ADIPOR2: variants seen among roughly 807,000 people sequenced by gnomAD.
The protein encoded by ADIPOR2 is adiponectin receptor 2, also known as adiponectin receptor protein 2.
Under a neutral mutation model 40.9 loss-of-function variants are expected in ADIPOR2, and 18 were observed. The ratio of observed to expected loss-of-function variants is 0.44; its 90% confidence interval spans 0.30 to 0.65. The LOEUF (loss-of-function observed/expected upper bound fraction) is 0.65. Among genes scored for constraint, ADIPOR2 ranks in the 30% least tolerant of loss-of-function variants. The probability of loss-of-function intolerance (pLI) is 0.09; values close to 1 mark genes in which losing one functional copy is unlikely to be tolerated. For synonymous variants in ADIPOR2, 165 were observed against 166.4 expected (o/e 0.99, Z 0.06); for missense variants, 283 against 479.2 (o/e 0.59, Z 3.82).
At chr12:1,750,705 A>G (rs2094767295) in intron 1 of ADIPOR2, among the ~76,000 whole-genome samples, 2 of 151,994 alleles carry the variant, frequency 1.3e-5, no homozygotes, top group African/African-American at 2.4e-5. Context: ...TCTTTTTTCT[A>G]TTGTGATGTA....
chr12:1,715,215 A>G (rs2094685139), intron 1 of ADIPOR2, among the ~76,000 whole-genome samples: 1 of 152,114 alleles, frequency 6.6e-6, no homozygotes, highest in African/African-American at 2.4e-5. Flanking sequence ...GTGAAAAGAA[A>G]GCTTGGACAT....
intron 2 of ADIPOR2, among the ~76,000 whole-genome samples, chr12:1,769,998 A>G (rs1294871639): frequency 6.6e-6 from 1 of 151,694 alleles, no homozygotes; most frequent in Non-Finnish European, 1.5e-5. Flanking sequence ...GCTCATTGCA[A>G]CCTCGACCTC....
intron 2 of ADIPOR2, among the ~76,000 whole-genome samples, chr12:1,758,296 T>C (rs538620096): frequency 3.3e-5 from 5 of 152,348 alleles, no homozygotes; most frequent in Admixed American, 1.3e-4. Context: ...CTTGAGCTAA[T>C]GCAAAAGTTA....
At chr12:1,743,316 A>C (rs1474454322) in intron 1 of ADIPOR2, among the ~76,000 whole-genome samples, 2 of 151,354 alleles carry the variant, frequency 1.3e-5, no homozygotes, top group Non-Finnish European at 2.9e-5. Context: ...TGTCTAAAAA[A>C]AAAAAAAAAA....
intron 1 of ADIPOR2, among the ~76,000 whole-genome samples, chr12:1,743,088 A>G (rs1358379404): frequency 6.6e-6 from 1 of 152,004 alleles, no homozygotes; most frequent in African/African-American, 2.4e-5. Flanking sequence ...TTCCTTGTGT[A>G]AGAAATTTTA....
At chr12:1,722,386 T>G (rs553466135) in intron 1 of ADIPOR2, among the ~76,000 whole-genome samples, 1 of 152,296 alleles carries the variant, frequency 6.6e-6, no homozygotes, top group Non-Finnish European at 1.5e-5. Context: ...ATTAGACATC[T>G]ATGTAGAGAT....
At chr12:1,776,404 ATCTTGCTGATTTGCAGCCTGGAT>A (rs1361346124) in intron 3 of ADIPOR2, among the ~76,000 whole-genome samples, 10 of 152,154 alleles carry the variant, frequency 6.6e-5, no homozygotes, top group Non-Finnish European at 1.2e-4. Context: ...CTGAAGGTGA[ATCTTGCTGATTTGCAGCCTGGAT>A]TCTTGCTTTA....
chr12:1,726,103 T>C (rs2094707422), intron 1 of ADIPOR2, among the ~76,000 whole-genome samples: 1 of 152,230 alleles, frequency 6.6e-6, no homozygotes, highest in South Asian at 2.1e-4. Context: ...AAAATTGCTT[T>C]TGAGGTATCA....
intron 1 of ADIPOR2, among the ~76,000 whole-genome samples, chr12:1,723,407 A>G (rs1443978390): frequency 6.7e-6 from 1 of 148,264 alleles, no homozygotes; most frequent in African/African-American, 2.5e-5. Context: ...AGGCAGGTGG[A>G]TCACCTGAGG....
At chr12:1,695,612 G>A (rs1024613781) in intron 1 of ADIPOR2, among the ~76,000 whole-genome samples, 5 of 147,870 alleles carry the variant, frequency 3.4e-5, no homozygotes, top group Non-Finnish European at 7.4e-5. Context: ...GCAGTGAACC[G>A]AGATTGCACC....
At chr12:1,761,739 A>T (rs970584218) in intron 2 of ADIPOR2, among the ~76,000 whole-genome samples, 4 of 152,208 alleles carry the variant, frequency 2.6e-5, no homozygotes, top group African/African-American at 4.8e-5. Context: ...TGGTCTCCTC[A>T]TCATCTGTTC....
intron 1 of ADIPOR2, among the ~76,000 whole-genome samples, chr12:1,719,468 G>A (rs867107610): frequency 7.9e-5 from 12 of 152,288 alleles, no homozygotes; most frequent in Admixed American, 6.5e-5. Flanking sequence ...CTGCCATTTA[G>A]TAACTATATG....
chr12:1,754,699 T>TTACTACTACTACTACTAC (rs59598626), intron 2 of ADIPOR2, among the ~76,000 whole-genome samples, 185 bp downstream of exon 2: 4 of 103,542 alleles, frequency 3.9e-5, no homozygotes, highest in Non-Finnish European at 6.3e-5. Flanking sequence ...ATTATTATTA[T>TTACTACTACTACTACTAC]TACTACTACT....
intron 1 of ADIPOR2, among the ~76,000 whole-genome samples, chr12:1,745,797 C>G (rs1396053979): frequency 1.3e-5 from 2 of 152,114 alleles, no homozygotes. Flanking sequence ...AAACCAATGT[C>G]TTATCCTTCT....
chr12:1,698,056 A>G (rs1309250932), intron 1 of ADIPOR2: 2 of 152,164 alleles, frequency 1.3e-5, no homozygotes, highest in African/African-American at 4.8e-5. Flanking sequence ...TTGGCTGTAG[A>G]CTGGATCCAC....
intron 1 of ADIPOR2, among the ~76,000 whole-genome samples, chr12:1,738,629 G>C (rs1254829256): frequency 6.6e-6 from 1 of 152,080 alleles, no homozygotes; most frequent in Admixed American, 6.6e-5. Flanking sequence ...ATCTTGAATT[G>C]CTAGTGGTTT....
intron 1 of ADIPOR2, among the ~76,000 whole-genome samples, chr12:1,743,820 C>T (rs2094748945): frequency 6.6e-6 from 1 of 152,082 alleles, no homozygotes; most frequent in African/African-American, 2.4e-5. Context: ...GATGAATAGG[C>T]TTTTCTATGT....
At chr12:1,736,960 G>GA (rs1181232191) in intron 1 of ADIPOR2, among the ~76,000 whole-genome samples, 1 of 152,130 alleles carries the variant, frequency 6.6e-6, no homozygotes, top group South Asian at 2.1e-4. Context: ...TCTACACAAT[G>GA]GGCCTGTTTT....
At chr12:1,691,606 T>A (rs1028274396) in intron 1 of ADIPOR2, among the ~76,000 whole-genome samples, 1 of 152,188 alleles carries the variant, frequency 6.6e-6, no homozygotes, top group Non-Finnish European at 1.5e-5. Context: ...TCTAGGAATT[T>A]GTTTGGTGGA....
Sources: gnomAD v4.1 joint callset for allele counts (sites outside exome capture counted in the v4.1 genomes callset) on GRCh38, gnomAD v4.1.1 for gene constraint, MANE v1.5 for transcripts, NCBI Gene and HGNC (gene_info 2026-07-23, HGNC 2026-07-21) for gene names.